DNAJB12: variants seen among roughly 807,000 people sequenced by gnomAD.
DNAJB12 encodes DnaJ heat shock protein family (Hsp40) member B12.
Under a neutral mutation model 40.6 loss-of-function variants are expected in DNAJB12, and 14 were observed. That is an observed-to-expected ratio of 0.34 (90% confidence interval 0.23 to 0.54). The LOEUF (loss-of-function observed/expected upper bound fraction) is 0.54. DNAJB12 is among the 20% of genes least tolerant of loss of function. DNAJB12 has a pLI of 0.92. For synonymous variants in DNAJB12, 181 were observed against 199.5 expected (o/e 0.91, Z 0.78); for missense variants, 444 against 501.7 (o/e 0.89, Z 1.10).
At chr10:72,353,385 G>C (rs543378000) in intron 1 of DNAJB12, 2 of 152,394 alleles carry the variant, frequency 1.3e-5, no homozygotes, top group Admixed American at 6.5e-5. Flanking sequence ...TCTCCAAGGG[G>C]AGGCAAACAG....
At chr10:72,354,409 G>T (rs1862011342) in intron 1 of DNAJB12, 2 of 240,382 alleles carry the variant, frequency 8.3e-6, no homozygotes, top group Non-Finnish European at 8.2e-6. Flanking sequence ...CCAGGCCGGC[G>T]ACTGGCCTGG....
Position 72,336,677 on chromosome 10 carries a change from T to C in DNAJB12, c.853A>G (p.Arg285Gly), listed in dbSNP as rs184738018. 1.2e-6 allele frequency: 2 copies of C among 1,613,996 alleles called. No individual in the cohort carries two copies. The highest frequency in any genetic ancestry group is 2.7e-5 in the African/African-American group (2 of 75,050). ...SPRPSVGHIH[R>G]RVTDHLGVVY... is the part of the protein sequence containing the mutation. ...ACACCCAGGTGGTCAGTGACTCGCC[T>C]GTGGATGTGGCCCACGGACCTGGCC... The change falls in exon 7 of 9, where the codon AGG becomes GGG. Residue 285 changes from arginine (R) to glycine (G), a missense_variant. Arg to Gly is a moderately radical substitution (Grantham distance 125). Transcript: ENST00000444643.
chr10:72,343,749 G>A (rs1452964501), intron 2 of DNAJB12, among the ~76,000 whole-genome samples: 2 of 152,060 alleles, frequency 1.3e-5, no homozygotes, highest in African/African-American at 4.8e-5. Flanking sequence ...CTGGATTCTT[G>A]GATTTAGGAG....
chr10:72,336,817 A>C, intron 6 of DNAJB12, 121 bp from the exon 7 acceptor site: 2 of 788,518 alleles, frequency 2.5e-6, no homozygotes, highest in East Asian at 2.6e-5. Flanking sequence ...TCCCTCTCAA[A>C]CCAGAGCAGG....
In DNAJB12 at chr10:72,334,159, G is replaced by T. The variant is rs185267958; in HGVS notation, c.*489C>A. ...ATATATGCCTATTTACATATAAATAGATATATATACATATACACGCATCTA... is the reference window on the plus strand; with the variant it reads ...ATATATGCCTATTTACATATAAATATATATATATACATATACACGCATCTA... On this transcript the variant is annotated 3_prime_UTR_variant, in exon 9 of 9. Coordinates refer to ENST00000444643, the MANE Select transcript of DNAJB12 (RefSeq NM_017626.7). The T allele has an allele frequency of 1.2e-3, 232 of 198,230 alleles. 1 individual carries two copies. Among genetic ancestry groups the T allele is most frequent in the Non-Finnish European group, 1.4e-4 (13 of 96,262 alleles). 12.3% of individuals were successfully genotyped at this position (198,230 alleles called of 1,614,324 possible). A position where few individuals can be genotyped will look rare whatever the true frequency, so the allele number is the denominator to read the frequency against.
chr10:72,335,691 C>A lies in DNAJB12; in HGVS notation c.*30+89G>T. 6.6e-7 allele frequency: 1 copy of A among 1,506,538 alleles called. No homozygotes were observed. 93.3% of individuals were successfully genotyped at this position (1,506,538 alleles called of 1,614,324 possible). ...AGGAGTCTTTGCCACAATCACCAGGCTTCCTCCCTTTCTCCCCCTCCCTCC... is the reference window on the plus strand; with the variant it reads ...AGGAGTCTTTGCCACAATCACCAGGATTCCTCCCTTTCTCCCCCTCCCTCC... On this transcript the variant is annotated intron_variant, in intron 8 of 8. Transcript: ENST00000444643. This position sits in a 1 kb window ranked among gnomAD's most constrained non-coding sequence, Gnocchi z 4.4.
Position 72,354,823 on chromosome 10 carries a change from G to C in DNAJB12, c.75C>G (p.Asp25Glu), listed in dbSNP as rs575704627. 30 of 1,614,058 alleles carry C rather than the reference G, an allele frequency of 1.9e-5. No homozygotes were observed. In the African/African-American group the frequency reaches 2.8e-4, roughly 15 times the overall value. Residue 25 changes from aspartate (D) to glutamate (E), a missense_variant, in exon 1 of 9, where the codon GAC (aspartate) becomes GAG (glutamate). Asp to Glu is a conservative substitution (Grantham distance 45, BLOSUM62 2). Coordinates refer to ENST00000444643, the MANE Select transcript of DNAJB12 (RefSeq NM_017626.7). Reference sequence around the variant, plus strand: ...CCTTCTCCAGGAAGCGGAGCGCCCGGTCGGGCTGGTTGCTCTGGATGGCCT... The same window carrying C: ...CCTTCTCCAGGAAGCGGAGCGCCCGCTCGGGCTGGTTGCTCTGGATGGCCT... ...ALKAIQSNQP[D>E]RALRFLEKAQ... is the part of the protein sequence containing the mutation.
chr10:72,354,432 C>T (rs1862011918), intron 1 of DNAJB12: 1 of 299,622 alleles, frequency 3.3e-6, no homozygotes, highest in African/African-American at 2.2e-5. Context: ...TACCGAACGG[C>T]CCCTTGGGAA....
chr10:72,334,453 T>C lies in DNAJB12; in HGVS notation c.*195A>G, dbSNP rs1434387113. The C allele has an allele frequency of 1.7e-6, 2 of 1,153,680 alleles. No homozygotes were observed. Among genetic ancestry groups the C allele is most frequent in the Non-Finnish European group, 2.5e-6 (2 of 801,822 alleles). The allele number at this position is 1,153,680 out of a possible 1,614,324, so 71.5% of individuals were successfully genotyped here. On this transcript the variant is annotated 3_prime_UTR_variant, in exon 9 of 9. Transcript: ENST00000444643. ...AGCCCCATGGCAGGTTTTCTGTCTGTCCTAAGAGCTTTCTGCATTTACTGG... is the reference window on the plus strand; with the variant it reads ...AGCCCCATGGCAGGTTTTCTGTCTGCCCTAAGAGCTTTCTGCATTTACTGG...
Position 72,338,325 on chromosome 10 carries a change from C to A in DNAJB12, c.724-14G>T. ...CCCTAGCCCGCCCTGGAGGGAAGAG[C>A]CAATGTCACTCTGCTGGACCTGGGT... On this transcript the variant is annotated splice_polypyrimidine_tract_variant and intron_variant, in intron 5 of 8. Coordinates refer to ENST00000444643, the MANE Select transcript of DNAJB12 (RefSeq NM_017626.7). 6.2e-7 allele frequency: 1 copy of A among 1,611,920 alleles called. No individual in the cohort carries two copies. Among genetic ancestry groups the A allele is most frequent in the Non-Finnish European group, 8.5e-7 (1 of 1,178,206 alleles).
intron 7 of DNAJB12, among the ~76,000 whole-genome samples, 183 bp from the exon 8 acceptor site, chr10:72,336,114 C>G (rs974927168): frequency 6.6e-6 from 1 of 152,186 alleles, no homozygotes; most frequent in East Asian, 1.9e-4. Flanking sequence ...GCGAGGGTGA[C>G]AGAGGCGCCT....
intron 1 of DNAJB12, among the ~76,000 whole-genome samples, chr10:72,350,515 T>C (rs1861909988): frequency 6.7e-6 from 1 of 148,336 alleles, no homozygotes; most frequent in South Asian, 2.2e-4. Flanking sequence ...TGCAAAACTC[T>C]ATCTCCATCA....
At chr10:72,351,033 A>G (rs1387453714) in intron 1 of DNAJB12, among the ~76,000 whole-genome samples, 1 of 152,172 alleles carries the variant, frequency 6.6e-6, no homozygotes, top group Admixed American at 6.5e-5. Context: ...ACCATTTCAC[A>G]GAACATTGGA....
rs914555066 is a variant in DNAJB12 at position 72,345,215 on chromosome 10, C to T, written c.134-88G>A. On this transcript the variant is annotated intron_variant, in intron 1 of 8. Transcript: ENST00000444643. The stretch of plus-strand genomic sequence containing the variant: ...GGCCCGCTGCTTCCCACTCACTTCC[C>T]CTCCCAGCAAAGCCACCAGCTCCTG... The T allele has an allele frequency of 2.7e-6, 4 of 1,496,436 alleles. No homozygotes were observed. In the African/African-American group the frequency reaches 5.6e-5, roughly 21 times the overall value. 92.7% of individuals were successfully genotyped at this position (1,496,436 alleles called of 1,614,324 possible).
intron 3 of DNAJB12, among the ~76,000 whole-genome samples, chr10:72,342,359 C>T (rs1025133799): frequency 2.0e-5 from 3 of 152,248 alleles, no homozygotes; most frequent in African/African-American, 7.2e-5. Context: ...CCTGAAACCC[C>T]CGGGAATAAG....
At chr10:72,338,384 C>A (rs1441397462) in intron 5 of DNAJB12, 73 bp from the exon 6 acceptor site, 4 of 1,278,496 alleles carry the variant, frequency 3.1e-6, no homozygotes, top group Admixed American at 3.6e-5. Flanking sequence ...ACCACTAGCT[C>A]CCCTAGAATA....
chr10:72,347,416 C>T (rs1285033961), intron 1 of DNAJB12, among the ~76,000 whole-genome samples: 1 of 152,216 alleles, frequency 6.6e-6, no homozygotes, highest in East Asian at 1.9e-4. Context: ...GAGGCCTTTG[C>T]TTAGCTGTAA....
At position 72,340,309 on chromosome 10, in the gene DNAJB12, A is replaced by G. The variant is rs373247568; in HGVS notation, c.723+480T>C. Among the ~76,000 whole-genome samples the G allele has an allele frequency of 1.5e-4, 23 of 152,186 alleles. No individual in the cohort carries two copies. The East Asian group carries it at 4.5e-3, about 30-fold the overall frequency. ...CAGTGAGCCGAGATCGCGCCACTGC[A>G]CTCAGCCTGGGCGAGAGAGCAAGAC... is the stretch of plus-strand genomic sequence containing the variant. On this transcript the variant is annotated intron_variant, in intron 5 of 8. Transcript: ENST00000444643.
In DNAJB12 at chr10:72,335,567, T is replaced by TG. The variant is rs759584269; in HGVS notation, c.*30+212dup. On this transcript the variant is annotated intron_variant, in intron 8 of 8. Coordinates refer to ENST00000444643, the MANE Select transcript of DNAJB12 (RefSeq NM_017626.7). This position sits in a 1 kb window ranked among gnomAD's most constrained non-coding sequence, Gnocchi z 4.4. ...GGAGCCAGGGAGCAGAGCGGAGGAGTGGGGAGGACAGCATCGCTAGAGGGC... is the reference window on the plus strand; with the variant it reads ...GGAGCCAGGGAGCAGAGCGGAGGAGTGGGGGAGGACAGCATCGCTAGAGGGC... 785 of 1,315,456 alleles carry TG rather than the reference T, an allele frequency of 6.0e-4. No homozygotes were observed. The highest frequency in any genetic ancestry group is 7.3e-4 in the Non-Finnish European group (747 of 1,026,692). 81.5% of individuals were successfully genotyped at this position (1,315,456 alleles called of 1,614,324 possible).
Sources: allele counts gnomAD v4.1 joint callset (sites outside exome capture counted in the v4.1 genomes callset), GRCh38; gene constraint gnomAD v4.1.1; non-coding constraint Gnocchi (gnomAD v3.1); transcripts MANE v1.5; gene names NCBI Gene and HGNC (gene_info 2026-07-23, HGNC 2026-07-21).